DUOX2: variants seen among roughly 807,000 people sequenced by gnomAD.
DUOX2 encodes NADH/NADPH thyroid oxidase p138-tox.
Under a neutral mutation model 183.3 loss-of-function variants are expected in DUOX2, and 185 were observed. That is an observed-to-expected ratio of 1.01 (90% CI 0.90 to 1.14). The LOEUF (loss-of-function observed/expected upper bound fraction) is 1.14. DUOX2 is among the 50% of genes most tolerant of loss of function. The pLI, the probability that DUOX2 is intolerant of heterozygous loss-of-function variation, is 0.00. For synonymous variants in DUOX2, 788 were observed against 812.4 expected (o/e 0.97, Z 0.51); for missense variants, 1,999 against 2,022.9 (o/e 0.99, Z 0.23).
chr15:45,098,719 T>C (rs947182036), intron 26 of DUOX2, among the ~76,000 whole-genome samples: 30 of 151,410 alleles, frequency 2.0e-4, no homozygotes, highest in African/African-American at 6.4e-4. Context: ...TTTTTTTTTT[T>C]CAAGACAGAG....
chr15:45,112,820 A>AT, intron 3 of DUOX2, 102 bp from the exon 4 acceptor site: 1 of 1,579,426 alleles, frequency 6.3e-7, no homozygotes, highest in Non-Finnish European at 8.6e-7. Flanking sequence ...CTTCACTGAC[A>AT]GAACCTTCCC....
At chr15:45,103,187 G>A (rs1894124301) in intron 20 of DUOX2, among the ~76,000 whole-genome samples, 1 of 152,190 alleles carries the variant, frequency 6.6e-6, no homozygotes, top group Non-Finnish European at 1.5e-5. Flanking sequence ...GCAGTTAAGG[G>A]GAATGCTTAA....
chr15:45,106,591 T>C lies in DUOX2; in HGVS notation c.1882A>G (p.Lys628Glu), dbSNP rs755318546. The C allele has an allele frequency of 6.2e-7, 1 of 1,614,168 alleles. No homozygotes were observed. The highest frequency in any genetic ancestry group is 1.1e-5 in the South Asian group (1 of 91,086). ...VVAYFRGREH[K>E]KLQKKLKESV... ...TCTTTGAGTTTCTTTTGTAGCTTCT[T>C]GTGTTCTCGGCCCCGGAAATAGGCC... Residue 628 changes from lysine to glutamate, a missense_variant, in exon 16 of 34, where the codon AAG (lysine) becomes GAG (glutamate). Coordinates refer to ENST00000389039, the MANE Select transcript of DUOX2 (RefSeq NM_001363711.2).
At chr15:45,109,277 G>A (rs1164795630) in intron 11 of DUOX2, 2 of 598,132 alleles carry the variant, frequency 3.3e-6, no homozygotes, top group African/African-American at 3.7e-5. Context: ...GCACCAAAGA[G>A]ATTGTGGTAC....
chr15:45,111,913 C>A lies in DUOX2; in HGVS notation c.368G>T (p.Gly123Val), dbSNP rs765015923. The A allele has an allele frequency of 5.0e-6, 8 of 1,613,664 alleles. No individual in the cohort carries two copies. In the Admixed American group the frequency reaches 1.2e-4, roughly 24 times the overall value. ...GATGTTGAGGAACTCGGCGGGGCAACCGGGCGTTTCCACGCTCACCACGTC... is the reference window on the plus strand; with the variant it reads ...GATGTTGAGGAACTCGGCGGGGCAAACGGGCGTTTCCACGCTCACCACGTC... ...LSDVVSVETP[G>V]CPAEFLNIRI... The change falls in exon 5 of 34, where the codon GGT becomes GTT. Residue 123 changes from glycine (G) to valine (V), a missense_variant. Physicochemically the swap from Gly to Val is moderately radical, Grantham distance 109 (BLOSUM62 -3). Coordinates refer to ENST00000389039, the MANE Select transcript of DUOX2 (RefSeq NM_001363711.2).
In DUOX2 at chr15:45,094,654, C is replaced by T. The variant is rs759342749; in HGVS notation, c.4433G>A (p.Arg1478Gln). ...CERHFQKVLN[R>Q]SLFTGLRSIT... Reference sequence around the variant, plus strand: ...GGAGCGCAGGCCCGTGAACAGACTCCGGTTCAGCACTTTCTGGAAGTGCCG... The same window carrying T: ...GGAGCGCAGGCCCGTGAACAGACTCTGGTTCAGCACTTTCTGGAAGTGCCG... Residue 1478 changes from arginine to glutamine, a missense_variant, in exon 33 of 34, where the codon CGG becomes CAG. Physicochemically the swap from Arg to Gln is conservative, Grantham distance 43. Around this residue, in one of 3 missense-constraint regions of DUOX2, gnomAD observed 1,628 missense variants for 1,608.6 expected, o/e 1.01. Transcript: ENST00000389039. 1.2e-5 allele frequency: 19 copies of T among 1,614,072 alleles called. No homozygotes were observed. Among genetic ancestry groups the T allele is most frequent in the Non-Finnish European group, 1.5e-5 (18 of 1,179,998 alleles).
intron 11 of DUOX2, 151 bp from the exon 12 acceptor site, chr15:45,109,103 T>G: frequency 9.6e-7 from 1 of 1,036,610 alleles, no homozygotes; most frequent in Non-Finnish European, 1.4e-6. Flanking sequence ...GACCTTGCCT[T>G]GCTGCAAGGC....
chr15:45,094,241 G>T lies in DUOX2; in HGVS notation c.4556C>A (p.Pro1519His). Residue 1519 changes from proline to histidine, a missense_variant, in exon 34 of 34, where the codon CCT becomes CAT. Physicochemically the swap from Pro to His is moderately conservative, Grantham distance 77. Transcript: ENST00000389039. ...CTCTACATTCTTGGTCATTCCTGGA[G>T]GGCCGCAGCTGAACACCCCGATCTT... The part of the protein sequence containing the change: ...VRKIGVFSCG[P>H]PGMTKNVEKA... 6.2e-7 allele frequency: 1 copy of T among 1,614,174 alleles called. No homozygotes were observed. The highest frequency in any genetic ancestry group is 8.5e-7 in the Non-Finnish European group (1 of 1,180,026).
chr15:45,097,394 G>T lies in DUOX2; in HGVS notation c.3694-3C>A. The T allele has an allele frequency of 6.2e-7, 1 of 1,614,238 alleles. No individual in the cohort carries two copies. The highest frequency in any genetic ancestry group is 2.2e-5 in the East Asian group (1 of 44,894). On this transcript the variant is annotated splice_polypyrimidine_tract_variant and splice_region_variant and intron_variant, in intron 28 of 33. Transcript: ENST00000389039. ...GCATAGCTGCCATGGATGATGAGCTGGAGACACGGCCAGTTAGTACAACTC... is the reference window on the plus strand; with the variant it reads ...GCATAGCTGCCATGGATGATGAGCTTGAGACACGGCCAGTTAGTACAACTC...
In DUOX2 at chr15:45,111,775, C is replaced by T. The variant is rs753600344; in HGVS notation, c.506G>A (p.Arg169Gln). ...PETGRSPSNP[R>Q]DLANQVTGWL... ...CCGCCTTCCCCGCCTCACCAGGTCCCGGGGGTTGCTGGGACTCCGTCCGGT... is the reference window on the plus strand; with the variant it reads ...CCGCCTTCCCCGCCTCACCAGGTCCTGGGGGTTGCTGGGACTCCGTCCGGT... The change falls in exon 5 of 34, where the codon CGG becomes CAG. Residue 169 changes from arginine (R) to glutamine (Q), a missense_variant. Transcript: ENST00000389039. 24 of 1,603,086 alleles carry T rather than the reference C, an allele frequency of 1.5e-5. No individual in the cohort carries two copies. The Admixed American group carries it at 2.7e-4, about 18-fold the overall frequency.
intron 11 of DUOX2, 169 bp downstream of exon 11, chr15:45,109,355 A>C (rs1894315797): frequency 7.6e-6 from 2 of 264,884 alleles, no homozygotes; most frequent in South Asian, 1.2e-4. Flanking sequence ...AAATTAAGCA[A>C]AAAAAAAAAA....
Position 45,109,558 on chromosome 15 carries a change from C to T in DUOX2, c.1200G>A (p.Glu400=). The change falls in exon 11 of 34, where the codon GAG becomes GAA. Residue 400 remains glutamate, a synonymous_variant. Coordinates refer to ENST00000389039, the MANE Select transcript of DUOX2 (RefSeq NM_001363711.2). ...LLLGMASQIS[E]LEDNIVVEDL... ...CTTCAACCACTATGTTGTCCTCCAA[C>T]TCCGAAATCTGGGAGGCCATTCCCA... 6.2e-7 allele frequency: 1 copy of T among 1,614,160 alleles called. No homozygotes were observed. The highest frequency in any genetic ancestry group is 8.5e-7 in the Non-Finnish European group (1 of 1,180,036).
intron 23 of DUOX2, 111 bp downstream of exon 23, chr15:45,100,644 G>T: frequency 2.1e-6 from 2 of 937,132 alleles, no homozygotes; most frequent in Non-Finnish European, 3.6e-6. Flanking sequence ...GGAACAAATG[G>T]AATGAGACTC....
intron 18 of DUOX2, among the ~76,000 whole-genome samples, chr15:45,105,408 A>T (rs576035807): frequency 6.6e-6 from 1 of 152,342 alleles, no homozygotes; most frequent in East Asian, 1.9e-4. Context: ...AATGGGATGG[A>T]TACAGTTTTC....
chr15:45,107,445 C>T lies in DUOX2; in HGVS notation c.1593G>A (p.Glu531=). 2 of 1,614,218 alleles carry T rather than the reference C, an allele frequency of 1.2e-6. No homozygotes were observed. Among genetic ancestry groups the T allele is most frequent in the South Asian group, 1.1e-5 (1 of 91,084 alleles). The change falls in exon 14 of 34, where the codon GAG becomes GAA. Residue 531 remains glutamate, a synonymous_variant. Transcript: ENST00000389039. ...NTRNGLFSKK[E]IEDIRNTTLR... Reference sequence around the variant, plus strand: ...GGGTGGTATTTCGGATGTCTTCAATCTCCTTCTTGGAGAACAGCCTAAGTT... The same window carrying T: ...GGGTGGTATTTCGGATGTCTTCAATTTCCTTCTTGGAGAACAGCCTAAGTT...
At chr15:45,100,305 A>G (rs1894047199) in intron 23 of DUOX2, 77 bp from the exon 24 acceptor site, 4 of 1,444,186 alleles carry the variant, frequency 2.8e-6, no homozygotes, top group Non-Finnish European at 3.8e-6. Flanking sequence ...ATGAAAGGTG[A>G]CCTGGGGATC....
chr15:45,108,687 A>G, intron 12 of DUOX2, 102 bp downstream of exon 12: 1 of 1,302,024 alleles, frequency 7.7e-7, no homozygotes, highest in South Asian at 1.2e-5. Context: ...ATACCTTACA[A>G]TATTATTATG....
At chr15:45,109,427 T>G in intron 11 of DUOX2, 97 bp downstream of exon 11, 1 of 1,004,184 alleles carries the variant, frequency 1.0e-6, no homozygotes, top group South Asian at 1.3e-5. Flanking sequence ...TCTGTGTTCC[T>G]GCATCGTGAG....
intron 18 of DUOX2, among the ~76,000 whole-genome samples, 188 bp from the exon 19 acceptor site, chr15:45,104,553 G>T (rs1273014484): frequency 2.0e-5 from 3 of 152,212 alleles, no homozygotes; most frequent in African/African-American, 7.2e-5. Flanking sequence ...CAAATCTCTA[G>T]CAGCCTGCCC....
Sources: allele counts gnomAD v4.1 joint callset (sites outside exome capture counted in the v4.1 genomes callset), GRCh38; gene constraint gnomAD v4.1.1; regional missense constraint gnomAD v4.1.1; transcripts MANE v1.5; gene names NCBI Gene and HGNC (gene_info 2026-07-23, HGNC 2026-07-21).